The following ITIH2 variants were observed in gnomAD, a reference collection of about 807,000 sequenced individuals.
The protein encoded by ITIH2 is inter-alpha-trypsin inhibitor heavy chain 2, also known as inter-alpha-trypsin inhibitor heavy chain H2.
Under a neutral mutation model 104.4 loss-of-function variants are expected in ITIH2, and 103 were observed. The observed-to-expected ratio is 0.99, with a 90% CI of 0.84 to 1.16. The LOEUF (loss-of-function observed/expected upper bound fraction) is 1.16, where lower values mean the gene tolerates loss of function less well. ITIH2 is among the 50% of genes most tolerant of loss of function. ITIH2 has a pLI of 0.00. For synonymous variants in ITIH2, 436 were observed against 435.4 expected (o/e 1.00, Z -0.02); for missense variants, 1,108 against 1,162.4 (o/e 0.95, Z 0.68).
intron 5 of ITIH2, among the ~76,000 whole-genome samples, chr10:7,716,894 T>A (rs969331453): frequency 6.6e-6 from 1 of 151,712 alleles, no homozygotes; most frequent in Non-Finnish European, 1.5e-5. Flanking sequence ...GGGTGTGAGT[T>A]CTGATCCCAC....
intron 2 of ITIH2, among the ~76,000 whole-genome samples, chr10:7,706,223 A>C (rs1834746225): frequency 6.6e-6 from 1 of 152,178 alleles, no homozygotes; most frequent in Admixed American, 6.5e-5. Context: ...TGCATTCAAG[A>C]AGTCTACAAG....
At chr10:7,746,323 C>T (rs756227335) in intron 19 of ITIH2, among the ~76,000 whole-genome samples, 6 of 151,382 alleles carry the variant, frequency 4.0e-5, no homozygotes, top group African/African-American at 7.3e-5. Flanking sequence ...TGCAGTGAGC[C>T]GAGATAGCAC....
Position 7,709,080 on chromosome 10 carries a change from G to T in ITIH2, c.251G>T (p.Arg84Leu), listed in dbSNP as rs370246983. The change falls in exon 4 of 21, where the codon CGG becomes CTG. Residue 84 changes from arginine to leucine, a missense_variant. Transcript: ENST00000358415. ...SYKVQSTITSRMATTMIQSKV... is the reference protein window; with the variant it reads ...SYKVQSTITSLMATTMIQSKV... ...AAAGTCCAGTCTACTATTACTTCTC[G>T]GATGGCCACCACCATGATCCAGAGC... 2.5e-6 allele frequency: 4 copies of T among 1,613,722 alleles called. No homozygotes were observed. Among genetic ancestry groups the T allele is most frequent in the African/African-American group, 1.3e-5 (1 of 74,808 alleles).
chr10:7,713,115 A>C, intron 4 of ITIH2, 66 bp from the exon 5 acceptor site: 19 of 1,228,490 alleles, frequency 1.5e-5, no homozygotes, highest in Non-Finnish European at 2.0e-5. Context: ...GCAAGACTCC[A>C]TCTCGAGGGG....
Position 7,732,434 on chromosome 10 carries a change from A to G in ITIH2, c.1744A>G (p.Lys582Glu), listed in dbSNP as rs141156651. Residue 582 changes from lysine to glutamate, a missense_variant, in exon 14 of 21, where the codon AAA (lysine) becomes GAA (glutamate). Physicochemically the swap from Lys to Glu is moderately conservative, Grantham distance 56 (BLOSUM62 1). Coordinates refer to ENST00000358415, the MANE Select transcript of ITIH2 (RefSeq NM_002216.3). ...DKHADPDFTRKLWAYLTINQL... is the reference protein window; with the variant it reads ...DKHADPDFTRELWAYLTINQL... ...GCATGCAGATCCCGATTTCACCAGG[A>G]AACTGTGGGCCTATCTAACCATCAA... is the stretch of plus-strand genomic sequence containing the variant. 7.0e-4 allele frequency: 1,130 copies of G among 1,614,176 alleles called. 6 individuals carry two copies. Among genetic ancestry groups the G allele is most frequent in the Non-Finnish European group, 8.5e-4 (1,002 of 1,180,018 alleles).
intron 12 of ITIH2, among the ~76,000 whole-genome samples, chr10:7,730,789 G>A (rs988782962): frequency 4.6e-5 from 7 of 152,094 alleles, no homozygotes; most frequent in African/African-American, 9.6e-5. Flanking sequence ...ACCAGGCATC[G>A]TATTTAAATT....
chr10:7,722,885 T>C (rs1404487271), intron 8 of ITIH2, among the ~76,000 whole-genome samples: 5 of 152,134 alleles, frequency 3.3e-5, no homozygotes, highest in African/African-American at 1.2e-4. Context: ...TGACGGGAGG[T>C]GCTCTGCCTG....
chr10:7,745,669 C>G (rs12253010), intron 19 of ITIH2, among the ~76,000 whole-genome samples: 1 of 151,806 alleles, frequency 6.6e-6, no homozygotes, highest in Non-Finnish European at 1.5e-5. Context: ...TCTCTTGAGC[C>G]CCGGAATTGG....
At chr10:7,710,831 A>G (rs139658206) in intron 4 of ITIH2, among the ~76,000 whole-genome samples, 14 of 152,346 alleles carry the variant, frequency 9.2e-5, no homozygotes, top group African/African-American at 2.9e-4. Flanking sequence ...CATGTCTAGA[A>G]ATGACATTGA....
At chr10:7,735,131 C>T in intron 15 of ITIH2, 40 bp downstream of exon 15, 1 of 1,558,488 alleles carries the variant, frequency 6.4e-7, no homozygotes, top group Non-Finnish European at 8.6e-7. Context: ...CCAGGCAGCT[C>T]TCTTGCCCCG....
At chr10:7,721,273 A>T (rs1464201743) in intron 7 of ITIH2, among the ~76,000 whole-genome samples, 3 of 152,224 alleles carry the variant, frequency 2.0e-5, no homozygotes, top group Non-Finnish European at 4.4e-5. Flanking sequence ...TAACCATAGC[A>T]AGACATGTTC....
intron 15 of ITIH2, among the ~76,000 whole-genome samples, chr10:7,737,434 T>G: frequency 1.1e-5 from 1 of 93,822 alleles, no homozygotes; most frequent in African/African-American, 3.7e-5. Flanking sequence ...TATACACGTG[T>G]ATATATATAT....
chr10:7,749,124 G>C, intron 20 of ITIH2, 63 bp from the exon 21 acceptor site: 2 of 1,523,386 alleles, frequency 1.3e-6, no homozygotes, highest in South Asian at 1.2e-5. Context: ...GCAAGGAAAA[G>C]AGGGAGTCTT....
intron 9 of ITIH2, among the ~76,000 whole-genome samples, chr10:7,724,845 T>A (rs1361342252): frequency 1.3e-5 from 2 of 152,136 alleles, no homozygotes; most frequent in African/African-American, 4.8e-5. Context: ...ACGTCAGACA[T>A]TGCCAAATGT....
intron 12 of ITIH2, 94 bp from the exon 13 acceptor site, chr10:7,731,717 A>C: frequency 1.1e-6 from 1 of 910,806 alleles, no homozygotes; most frequent in Non-Finnish European, 1.6e-6. Context: ...AGAGTGAGAC[A>C]TCGTCTCAAA....
chr10:7,711,187 G>A (rs1451755867), intron 4 of ITIH2, among the ~76,000 whole-genome samples: 1 of 152,204 alleles, frequency 6.6e-6, no homozygotes, highest in Non-Finnish European at 1.5e-5. Flanking sequence ...AGAACATACA[G>A]TGTTTGATTT....
intron 16 of ITIH2, among the ~76,000 whole-genome samples, 153 bp downstream of exon 16, chr10:7,738,911 AT>A (rs1466385032): frequency 2.6e-5 from 4 of 152,232 alleles, no homozygotes; most frequent in African/African-American, 9.6e-5. Context: ...TTCTATAGAA[AT>A]ACAGCTTATT....
Position 7,730,147 on chromosome 10 carries a change from CT to C in ITIH2, c.1461+15del, listed in dbSNP as rs773663953. On this transcript the variant is annotated intron_variant, in intron 12 of 20. Coordinates refer to ENST00000358415, the MANE Select transcript of ITIH2 (RefSeq NM_002216.3). ...TCCCAGCTTAAGGTAACATTTTCTT[CT>C]GTTCTTTTTTTATTCTTCACTGGAA... The C allele has an allele frequency of 6.4e-7, 1 of 1,572,958 alleles. No homozygotes were observed. Among genetic ancestry groups the C allele is most frequent in the East Asian group, 2.3e-5 (1 of 44,430 alleles).
intron 1 of ITIH2, among the ~76,000 whole-genome samples, chr10:7,704,833 A>G (rs1306340549): frequency 1.3e-5 from 2 of 152,088 alleles, no homozygotes; most frequent in African/African-American, 4.8e-5. Context: ...GGAAAACCCA[A>G]CACCGCATGT....
Sources: gnomAD v4.1 joint callset for allele counts (sites outside exome capture counted in the v4.1 genomes callset) on GRCh38, gnomAD v4.1.1 for gene constraint, MANE v1.5 for transcripts, NCBI Gene and HGNC (gene_info 2026-07-23, HGNC 2026-07-21) for gene names.